NDUFA12: variants seen among roughly 807,000 people sequenced by gnomAD.
NDUFA12 encodes NADH:ubiquinone oxidoreductase subunit A12.
In NDUFA12, 17 loss-of-function variants were observed where a neutral mutation model predicts 20.3. The ratio of observed to expected loss-of-function variants is 0.84; its 90% CI spans 0.57 to 1.26. NDUFA12 has a LOEUF of 1.26. NDUFA12 is among the 50% of genes most tolerant of loss of function. The probability of loss-of-function intolerance (pLI) is 0.00; values close to 1 mark genes in which losing one functional copy is unlikely to be tolerated. For synonymous variants in NDUFA12, 72 were observed against 63.6 expected (o/e 1.13, Z -0.63); for missense variants, 191 against 183.7 (o/e 1.04, Z -0.23).
At chr12:95,001,649 T>A (rs962075670) in intron 2 of NDUFA12, among the ~76,000 whole-genome samples, 3 of 152,216 alleles carry the variant, frequency 2.0e-5, no homozygotes, top group Admixed American at 1.3e-4. Flanking sequence ...AATAAATAAA[T>A]TTTTAAAATA....
intron 3 of NDUFA12, chr12:94,972,377 T>C (rs1449804780): frequency 7.6e-6 from 3 of 397,310 alleles, no homozygotes; most frequent in South Asian, 1.8e-5. Context: ...AAATGCATTT[T>C]AGAACTGATA....
At chr12:94,991,611 C>T (rs1874647001) in intron 3 of NDUFA12, among the ~76,000 whole-genome samples, 1 of 151,426 alleles carries the variant, frequency 6.6e-6, no homozygotes, top group African/African-American at 2.4e-5. Context: ...CCTGTAGTCC[C>T]AGCTACTTGA....
chr12:94,995,206 A>C (rs1057401410), intron 2 of NDUFA12, among the ~76,000 whole-genome samples: 1 of 152,222 alleles, frequency 6.6e-6, no homozygotes, highest in Non-Finnish European at 1.5e-5. Flanking sequence ...ATAATCAACA[A>C]AAATTGACTA....
chr12:94,994,335 C>A, intron 2 of NDUFA12, 78 bp from the exon 3 acceptor site: 1 of 1,065,270 alleles, frequency 9.4e-7, no homozygotes, highest in East Asian at 2.5e-5. Context: ...AGAAGACAAC[C>A]TTTTTATTAA....
intron 3 of NDUFA12, among the ~76,000 whole-genome samples, chr12:94,992,531 G>T (rs1255082530): frequency 2.0e-5 from 3 of 152,156 alleles, no homozygotes; most frequent in Non-Finnish European, 4.4e-5. Context: ...CAAGAGATAG[G>T]TTCATGTTTT....
In NDUFA12 at chr12:95,001,551, C is replaced by T. The variant is rs574477111; in HGVS notation, c.169+1188G>A. 9.9e-5 allele frequency among the ~76,000 whole-genome samples: 15 copies of T among 152,004 alleles called. No homozygotes were observed. The Middle Eastern group carries it at 0.014, about 138-fold the overall frequency. Reference sequence around the variant, plus strand: ...GCTGAGGTAGGAGGACAGCTTGAGCCCAGAAAGTTGAGGCTGTAGTGAGCC... The same window carrying T: ...GCTGAGGTAGGAGGACAGCTTGAGCTCAGAAAGTTGAGGCTGTAGTGAGCC... On this transcript the variant is annotated intron_variant, in intron 2 of 3. Transcript: ENST00000327772.
intron 2 of NDUFA12, among the ~76,000 whole-genome samples, chr12:94,996,386 C>G (rs1017663972): frequency 3.3e-4 from 50 of 150,084 alleles, no homozygotes; most frequent in African/African-American, 1.2e-3. Context: ...GTTGCCCAGG[C>G]TGGTCTTGAA....
chr12:94,972,443 C>G (rs909418404), intron 3 of NDUFA12: 5 of 453,600 alleles, frequency 1.1e-5, no homozygotes, highest in African/African-American at 8.0e-5. Context: ...TCAGTATGCT[C>G]AGGTTACTCT....
At chr12:95,001,832 G>A (rs1024362181) in intron 2 of NDUFA12, among the ~76,000 whole-genome samples, 3 of 151,890 alleles carry the variant, frequency 2.0e-5, no homozygotes, top group Non-Finnish European at 4.4e-5. Context: ...AGCCTCTCAG[G>A]TAGCTGGGAT....
intron 3 of NDUFA12, among the ~76,000 whole-genome samples, chr12:94,978,174 C>A (rs1565813331): frequency 6.6e-6 from 1 of 152,192 alleles, no homozygotes; most frequent in Non-Finnish European, 1.5e-5. Flanking sequence ...TGGGAAGCCA[C>A]TGGGTCATTC....
At position 94,971,788 on chromosome 12, in the gene NDUFA12, C is replaced by G. The variant is rs1328505694; in HGVS notation, c.258-168G>C. 6 of 803,908 alleles carry G rather than the reference C, an allele frequency of 7.5e-6. 1 individual carries two copies. The South Asian group carries it at 8.1e-5, about 11-fold the overall frequency. The allele number at this position is 803,908 out of a possible 1,614,324, so 49.8% of individuals were successfully genotyped here. A position where few individuals can be genotyped will look rare whatever the true frequency, so the allele number is the denominator to read the frequency against. On this transcript the variant is annotated intron_variant, in intron 3 of 3. Coordinates refer to ENST00000327772, the MANE Select transcript of NDUFA12 (RefSeq NM_018838.5). ...CCTTAGATTTTTTCCATCTGAACAT[C>G]CCTACTCCTCAGGGATGGTATAAAC...
chr12:94,999,769 A>C (rs146183861), intron 2 of NDUFA12, among the ~76,000 whole-genome samples: 402 of 152,342 alleles, frequency 2.6e-3, no homozygotes, highest in African/African-American at 8.1e-3. Context: ...TTAAAACCAC[A>C]ATGAGATAGC....
intron 3 of NDUFA12, 22 bp downstream of exon 3, chr12:94,994,148 A>G (rs1309120238): frequency 6.2e-7 from 1 of 1,604,184 alleles, no homozygotes; most frequent in East Asian, 2.2e-5. Context: ...AGAAAGACAA[A>G]TAAAATGTTG....
At chr12:94,977,496 CT>C (rs1874096207) in intron 3 of NDUFA12, among the ~76,000 whole-genome samples, 1 of 151,618 alleles carries the variant, frequency 6.6e-6, no homozygotes, top group Admixed American at 6.6e-5. Flanking sequence ...CCCTCCGCCC[CT>C]GCCCCAAAAA....
At chr12:95,002,845 G>A (rs1277757425) in intron 1 of NDUFA12, 24 bp from the exon 2 acceptor site, 5 of 1,577,646 alleles carry the variant, frequency 3.2e-6, no homozygotes, top group Non-Finnish European at 4.4e-6. Context: ...AAAGAAAACA[G>A]ACATTTTAGA....
At chr12:94,992,956 T>G (rs1468855398) in intron 3 of NDUFA12, among the ~76,000 whole-genome samples, 2 of 152,242 alleles carry the variant, frequency 1.3e-5, no homozygotes, top group African/African-American at 4.8e-5. Flanking sequence ...TAACTTATTA[T>G]GCACTCAATG....
chr12:94,997,378 G>C (rs574220431), intron 2 of NDUFA12: 1 of 152,320 alleles, frequency 6.6e-6, no homozygotes, highest in Non-Finnish European at 1.5e-5. Flanking sequence ...GAAGATTAAG[G>C]TAGATAACGT....
intron 3 of NDUFA12, among the ~76,000 whole-genome samples, chr12:94,986,697 C>A (rs1439708539): frequency 6.6e-6 from 1 of 151,856 alleles, no homozygotes; most frequent in Non-Finnish European, 1.5e-5. Flanking sequence ...GAGGCTGAGG[C>A]AGGAGGATGG....
rs1312611385 is a variant in NDUFA12, at chr12:94,972,536, A to G, written c.258-916T>C. 3 of 436,556 alleles carry G rather than the reference A, an allele frequency of 6.9e-6. No individual in the cohort carries two copies. The Admixed American group carries it at 7.4e-5, about 11-fold the overall frequency. 27.0% of individuals were successfully genotyped at this position (436,556 alleles called of 1,614,324 possible). On this transcript the variant is annotated intron_variant, in intron 3 of 3. Coordinates refer to ENST00000327772, the MANE Select transcript of NDUFA12 (RefSeq NM_018838.5). Reference sequence around the variant, plus strand: ...ATTGTAAATTCAAGCATGTGAGTGTAAACACTAGAGAATATGCAACTTGTT... The same window carrying G: ...ATTGTAAATTCAAGCATGTGAGTGTGAACACTAGAGAATATGCAACTTGTT...
Sources: gnomAD v4.1 joint callset for allele counts (sites outside exome capture counted in the v4.1 genomes callset) on GRCh38, gnomAD v4.1.1 for gene constraint, MANE v1.5 for transcripts, NCBI Gene and HGNC (gene_info 2026-07-23, HGNC 2026-07-21) for gene names.